The following SPAG16 variants were observed in gnomAD, a reference collection of about 807,000 sequenced individuals.
SPAG16 encodes sperm associated antigen 16, also known as sperm-associated antigen 16 protein.
Under a neutral mutation model 80.4 loss-of-function variants are expected in SPAG16, and 86 were observed. That is an observed-to-expected ratio of 1.07 (90% CI 0.90 to 1.28). The LOEUF (loss-of-function observed/expected upper bound fraction) is 1.28, where lower values mean the gene tolerates loss of function less well. Among genes scored for constraint, SPAG16 ranks in the 50% most tolerant of loss-of-function variants. SPAG16 has a pLI of 0.00. For synonymous variants in SPAG16, 294 were observed against 265.9 expected (o/e 1.11, Z -1.03); for missense variants, 870 against 765.3 (o/e 1.14, Z -1.61).
intron 10 of SPAG16, among the ~76,000 whole-genome samples, chr2:213,815,630 G>GT (rs1175838817): frequency 6.6e-6 from 1 of 151,970 alleles, no homozygotes; most frequent in East Asian, 1.9e-4. Flanking sequence ...GGGCCAAAGG[G>GT]TATCCCTTTG....
chr2:213,315,900 T>G lies in SPAG16; in HGVS notation c.399-1319T>G, dbSNP rs1041352681. On this transcript the variant is annotated intron_variant, in intron 4 of 15. Coordinates refer to ENST00000331683, the MANE Select transcript of SPAG16 (RefSeq NM_024532.5). The stretch of plus-strand genomic sequence containing the variant: ...CTTCGTCTTTTTTGGTAGTGTTTTC[T>G]TTTCCCCTCAACCTGGAAGCAGTGT... Among the ~76,000 whole-genome samples the G allele has an allele frequency of 6.6e-5, 10 of 152,098 alleles. No individual in the cohort carries two copies. In the East Asian group the frequency reaches 1.7e-3, roughly 26 times the overall value.
At chr2:213,596,107 A>T (rs1365654508) in intron 10 of SPAG16, among the ~76,000 whole-genome samples, 1 of 152,102 alleles carries the variant, frequency 6.6e-6, no homozygotes, top group African/African-American at 2.4e-5. Context: ...CAAAGATCAA[A>T]CTGATAGCAT....
intron 10 of SPAG16, among the ~76,000 whole-genome samples, chr2:213,858,358 G>T (rs545466009): frequency 2.3e-4 from 35 of 152,202 alleles, no homozygotes; most frequent in African/African-American, 7.0e-4. Flanking sequence ...ACTCTGATTG[G>T]TCAGCAGCCA....
chr2:213,686,579 T>G (rs1262099171), intron 10 of SPAG16, among the ~76,000 whole-genome samples: 1 of 152,124 alleles, frequency 6.6e-6, no homozygotes, highest in African/African-American at 2.4e-5. Context: ...TGGATTTTAC[T>G]TTCTTGTTTA....
At chr2:213,751,722 T>C (rs989550315) in intron 10 of SPAG16, among the ~76,000 whole-genome samples, 1 of 152,234 alleles carries the variant, frequency 6.6e-6, no homozygotes, top group Non-Finnish European at 1.5e-5. Flanking sequence ...GGGCAGTGGC[T>C]GTCTTGACAA....
At chr2:213,711,985 G>C (rs1256663155) in intron 10 of SPAG16, among the ~76,000 whole-genome samples, 1 of 151,738 alleles carries the variant, frequency 6.6e-6, no homozygotes, top group Non-Finnish European at 1.5e-5. Context: ...TATTTTTAAG[G>C]GTTTACACAA....
chr2:213,862,683 T>A, intron 11 of SPAG16, 55 bp downstream of exon 11: 2 of 1,579,504 alleles, frequency 1.3e-6, no homozygotes. Context: ...TGTGCTCCTT[T>A]ACTCTGTCTG....
At chr2:213,311,203 A>G (rs2063174082) in intron 4 of SPAG16, among the ~76,000 whole-genome samples, 1 of 151,730 alleles carries the variant, frequency 6.6e-6, no homozygotes, top group Admixed American at 6.6e-5. Context: ...AAATTTGGAA[A>G]TAGTGTGAAT....
intron 10 of SPAG16, among the ~76,000 whole-genome samples, chr2:213,795,385 T>G (rs770631040): frequency 6.6e-6 from 1 of 152,234 alleles, no homozygotes; most frequent in Non-Finnish European, 1.5e-5. Flanking sequence ...TAGTCATTTC[T>G]ACACTTTTAT....
At chr2:214,064,051 G>A (rs1015618432) in intron 13 of SPAG16, among the ~76,000 whole-genome samples, 2 of 152,076 alleles carry the variant, frequency 1.3e-5, no homozygotes, top group Admixed American at 1.3e-4. Flanking sequence ...TACTGATTTT[G>A]AGAGATATTC....
At chr2:213,795,089 A>G (rs2070941117) in intron 10 of SPAG16, among the ~76,000 whole-genome samples, 1 of 152,158 alleles carries the variant, frequency 6.6e-6, no homozygotes, top group East Asian at 1.9e-4. Context: ...AATTATTGAT[A>G]AGCCCCATTT....
intron 15 of SPAG16, among the ~76,000 whole-genome samples, chr2:214,375,050 G>T (rs1337151680): frequency 6.6e-6 from 1 of 152,102 alleles, no homozygotes; most frequent in Non-Finnish European, 1.5e-5. Flanking sequence ...TTGAATTTGG[G>T]TCTTGAACAT....
In SPAG16 at chr2:213,532,942, A is replaced by G. The variant is rs538442767; in HGVS notation, c.1070+42852A>G. Among the ~76,000 whole-genome samples, 15 of 152,308 alleles carry G rather than the reference A, an allele frequency of 9.8e-5. No individual in the cohort carries two copies. The South Asian group carries it at 3.1e-3, about 32-fold the overall frequency. ...GTTTTAACAATATTAAATACTTTAT[A>G]TAAGAAATGTGTTCATATTTTATAG... On this transcript the variant is annotated intron_variant, in intron 10 of 15. Coordinates refer to ENST00000331683, the MANE Select transcript of SPAG16 (RefSeq NM_024532.5).
intron 10 of SPAG16, among the ~76,000 whole-genome samples, chr2:213,535,585 GTA>G (rs1189255675): frequency 1.3e-5 from 2 of 151,904 alleles, no homozygotes; most frequent in Non-Finnish European, 2.9e-5. Context: ...AATGTATTTT[GTA>G]TATAATCTAT....
intron 12 of SPAG16, among the ~76,000 whole-genome samples, chr2:213,955,501 G>A (rs1606014): frequency 0.7 from 106,813 of 152,066 alleles, 37,748 homozygotes; most frequent in South Asian, 0.86. Flanking sequence ...TATAAATATA[G>A]TAGTTTATTA....
intron 10 of SPAG16, among the ~76,000 whole-genome samples, chr2:213,733,514 T>C (rs1280161196): frequency 1.3e-5 from 2 of 151,552 alleles, no homozygotes; most frequent in East Asian, 1.9e-4. Flanking sequence ...TTTTTTTTTT[T>C]TTTTTGGTGT....
intron 6 of SPAG16, among the ~76,000 whole-genome samples, chr2:213,348,273 C>G (rs909115886): frequency 2.0e-5 from 3 of 152,142 alleles, no homozygotes; most frequent in African/African-American, 7.2e-5. Context: ...ATGTGTGTCT[C>G]TGCATGTGAG....
chr2:213,340,255 T>C lies in SPAG16; in HGVS notation c.629T>C (p.Ile210Thr). Residue 210 changes from isoleucine to threonine, a missense_variant, in exon 6 of 16, where the codon ATT (isoleucine) becomes ACT (threonine). Transcript: ENST00000331683. ...ATAGTCCAGGAAAAAAACAAATTAA[T>C]TAATGACCTCAAAGGGTAAGCTTAT... is the stretch of plus-strand genomic sequence containing the variant. The part of the protein sequence containing the change: ...KRIVQEKNKL[I>T]NDLKGLKLHY... The C allele has an allele frequency of 1.9e-6, 3 of 1,602,986 alleles. No individual in the cohort carries two copies. Among genetic ancestry groups the C allele is most frequent in the Non-Finnish European group, 2.6e-6 (3 of 1,171,162 alleles).
intron 10 of SPAG16, among the ~76,000 whole-genome samples, chr2:213,644,345 C>T (rs966162446): frequency 4.0e-5 from 6 of 151,818 alleles, no homozygotes; most frequent in African/African-American, 1.5e-4. Flanking sequence ...GGATTGGTTC[C>T]TGGTGACTTA....
Sources: allele counts gnomAD v4.1 joint callset (sites outside exome capture counted in the v4.1 genomes callset), GRCh38; gene constraint gnomAD v4.1.1; transcripts MANE v1.5; gene names NCBI Gene and HGNC (gene_info 2026-07-23, HGNC 2026-07-21).